Variants in FBXL4 observed in about 807,000 individuals in gnomAD.
FBXL4 encodes F-box and leucine rich repeat protein 4, also known as F-box/LRR-repeat protein 4.
A neutral mutation model predicts 58.9 loss-of-function variants in FBXL4; 40 were observed. The ratio of observed to expected loss-of-function variants is 0.68; its 90% CI spans 0.53 to 0.88. The LOEUF is 0.88. Ranked by LOEUF, FBXL4 falls within the 40% of genes least tolerant of loss-of-function variation. The pLI, the probability that FBXL4 is intolerant of heterozygous loss-of-function variation, is 0.00. For synonymous variants in FBXL4, 263 were observed against 265.5 expected (o/e 0.99, Z 0.09); for missense variants, 676 against 734.4 (o/e 0.92, Z 0.92).
intron 1 of FBXL4, among the ~76,000 whole-genome samples, chr6:98,941,258 G>C (rs1490524267): frequency 6.6e-6 from 1 of 151,968 alleles, no homozygotes; most frequent in Non-Finnish European, 1.5e-5. Context: ...ACCAATCCAG[G>C]CAATAATATA....
At chr6:98,883,871 C>T (rs1436018606) in intron 7 of FBXL4, among the ~76,000 whole-genome samples, 3 of 150,638 alleles carry the variant, frequency 2.0e-5, no homozygotes, top group South Asian at 2.1e-4. Flanking sequence ...TGCTGTTGGC[C>T]CTTTGCTCTT....
rs915454881 is a variant in FBXL4, at chr6:98,881,932, G to GT, written c.1318-1309dup. ...CAGACAGGAACATAACATTAGGTTT[G>GT]TTTTTTTTTTAATTACAGGACCATA... On this transcript the variant is annotated intron_variant, in intron 7 of 9. Coordinates refer to ENST00000369244, the MANE Select transcript of FBXL4 (RefSeq NM_001278716.2). Among the ~76,000 whole-genome samples, 217 of 145,576 alleles carry GT rather than the reference G, an allele frequency of 1.5e-3. 2 individuals are homozygous for GT. Among genetic ancestry groups the GT allele is most frequent in the Admixed American group, 1.7e-3 (25 of 14,524 alleles).
chr6:98,880,515 A>G (rs1234705211), intron 8 of FBXL4, 38 bp downstream of exon 8: 2 of 1,547,656 alleles, frequency 1.3e-6, no homozygotes, highest in East Asian at 4.5e-5. Context: ...AAAAGAGAAC[A>G]AGTAATTGAG....
At chr6:98,883,380 G>A (rs1770918574) in intron 7 of FBXL4, among the ~76,000 whole-genome samples, 1 of 151,824 alleles carries the variant, frequency 6.6e-6, no homozygotes. Context: ...TCTTTTCACT[G>A]TTTACTGGAT....
intron 7 of FBXL4, among the ~76,000 whole-genome samples, chr6:98,885,770 T>G (rs1771016258): frequency 6.6e-6 from 1 of 152,218 alleles, no homozygotes. Context: ...CCTCATATCA[T>G]GTCAGCCAAT....
chr6:98,942,292 G>C (rs1020876050), intron 1 of FBXL4, among the ~76,000 whole-genome samples: 1 of 151,784 alleles, frequency 6.6e-6, no homozygotes, highest in Non-Finnish European at 1.5e-5. Context: ...TAAGTGATAC[G>C]ATACTAGCAA....
intron 7 of FBXL4, among the ~76,000 whole-genome samples, chr6:98,883,934 T>C (rs1398174023): frequency 6.6e-6 from 1 of 151,812 alleles, no homozygotes; most frequent in African/African-American, 2.4e-5. Flanking sequence ...CTTTTAGAAA[T>C]AATACAAAAA....
Position 98,908,506 on chromosome 6 carries a change from C to T in FBXL4, c.859-2836G>A, listed in dbSNP as rs1202176869. On this transcript the variant is annotated intron_variant, in intron 5 of 9. Coordinates refer to ENST00000369244, the MANE Select transcript of FBXL4 (RefSeq NM_001278716.2). ...TATTATGCATGTATGTTCATCTTGGCAAACTTTGAAAATATATCCTTATAG... is the reference window on the plus strand; with the variant it reads ...TATTATGCATGTATGTTCATCTTGGTAAACTTTGAAAATATATCCTTATAG... 4.5e-4 allele frequency among the ~76,000 whole-genome samples: 68 copies of T among 152,176 alleles called. 1 individual carries two copies. The highest frequency in any genetic ancestry group is 1.0e-4 in the Non-Finnish European group (7 of 67,980).
chr6:98,896,995 A>T, intron 7 of FBXL4: 1 of 985,106 alleles, frequency 1.0e-6, no homozygotes. Flanking sequence ...AACATTTCAA[A>T]AACATCTCAT....
At chr6:98,930,968 T>C (rs924040249) in intron 2 of FBXL4, among the ~76,000 whole-genome samples, 1 of 152,194 alleles carries the variant, frequency 6.6e-6, no homozygotes, top group African/African-American at 2.4e-5. Flanking sequence ...GAACAACCTA[T>C]AACATGTATT....
At chr6:98,932,624 C>T (rs9402315) in intron 2 of FBXL4, among the ~76,000 whole-genome samples, 1 of 151,524 alleles carries the variant, frequency 6.6e-6, no homozygotes, top group Non-Finnish European at 1.5e-5. Context: ...GCTTGTACTT[C>T]GAAGGGAAAA....
intron 5 of FBXL4, among the ~76,000 whole-genome samples, chr6:98,913,169 T>C (rs1772170902): frequency 6.6e-6 from 1 of 152,124 alleles, no homozygotes; most frequent in South Asian, 2.1e-4. Flanking sequence ...GCACCCAGAT[T>C]CATAAAGCAA....
At chr6:98,906,198 T>A (rs1337403713) in intron 5 of FBXL4, among the ~76,000 whole-genome samples, 1 of 151,980 alleles carries the variant, frequency 6.6e-6, no homozygotes, top group Non-Finnish European at 1.5e-5. Flanking sequence ...AAAACACTTT[T>A]AAGTTCTGGG....
chr6:98,941,435 C>A (rs1489017809), intron 1 of FBXL4, among the ~76,000 whole-genome samples: 1 of 152,122 alleles, frequency 6.6e-6, no homozygotes, highest in East Asian at 1.9e-4. Context: ...AAAGTAACCA[C>A]AAAGGGGCCA....
intron 5 of FBXL4, among the ~76,000 whole-genome samples, chr6:98,912,257 A>ATAT (rs1290208745): frequency 2.0e-5 from 3 of 152,250 alleles, no homozygotes. Flanking sequence ...ACTCTGCAGG[A>ATAT]TATTATCCAG....
chr6:98,878,918 CT>C (rs1770749620), intron 8 of FBXL4, among the ~76,000 whole-genome samples: 1 of 152,060 alleles, frequency 6.6e-6, no homozygotes, highest in African/African-American at 2.4e-5. Context: ...AAATGGCTTA[CT>C]ATGGAAAGAA....
At chr6:98,888,233 T>G (rs1771105785) in intron 7 of FBXL4, among the ~76,000 whole-genome samples, 1 of 152,224 alleles carries the variant, frequency 6.6e-6, no homozygotes, top group Non-Finnish European at 1.5e-5. Context: ...AAAGTTTTAC[T>G]GGAACACAGA....
rs796433236 is a variant in FBXL4 at position 98,874,584 on chromosome 6, A to G, written c.1703-143T>C. 2.1e-5 allele frequency: 21 copies of G among 989,222 alleles called. No individual in the cohort carries two copies. The African/African-American group carries it at 3.6e-4, about 17-fold the overall frequency. 61.3% of individuals were successfully genotyped at this position (989,222 alleles called of 1,614,324 possible). ...TTACAAATTAAAATCATTTTTTCAA[A>G]CATGACTTCATATTGAAATGGTTCT... On this transcript the variant is annotated intron_variant, in intron 9 of 9. Coordinates refer to ENST00000369244, the MANE Select transcript of FBXL4 (RefSeq NM_001278716.2).
intron 4 of FBXL4, among the ~76,000 whole-genome samples, chr6:98,922,564 T>C (rs1772624491): frequency 1.3e-5 from 2 of 152,220 alleles, no homozygotes. Flanking sequence ...TATGCACCTA[T>C]CACACATATA....
Sources: allele counts gnomAD v4.1 joint callset (sites outside exome capture counted in the v4.1 genomes callset), GRCh38; gene constraint gnomAD v4.1.1; transcripts MANE v1.5; gene names NCBI Gene and HGNC (gene_info 2026-07-23, HGNC 2026-07-21).